The following GDF7 variants were observed in gnomAD, a reference collection of about 807,000 sequenced individuals.
GDF7 encodes growth differentiation factor 7.
GDF7 carries 12 observed loss-of-function variants against 13.4 expected under a neutral mutation model. The ratio of observed to expected loss-of-function variants is 0.90; its 90% CI spans 0.57 to 1.45. The LOEUF is 1.45. GDF7 is among the 40% of genes most tolerant of loss of function. The pLI is 0.00. For synonymous variants in GDF7, 330 were observed against 306.4 expected (o/e 1.08, Z -0.80); for missense variants, 651 against 652.4 (o/e 1.00, Z 0.02).
chr2:20,670,787 G>C lies in GDF7; in HGVS notation c.715G>C (p.Gly239Arg). 1 of 1,484,248 alleles carries C rather than the reference G, an allele frequency of 6.7e-7. No individual in the cohort carries two copies. The highest frequency in any genetic ancestry group is 1.5e-5 in the African/African-American group (1 of 68,860). 91.9% of individuals were successfully genotyped at this position (1,484,248 alleles called of 1,614,324 possible). A position where few individuals can be genotyped will look rare whatever the true frequency, so the allele number is the denominator to read the frequency against. The stretch of plus-strand genomic sequence containing the variant: ...CTGCCTCTTGCTGCGCGCAGTGGCA[G>C]GCCCGGTGCCGAGCCCGTTGGCACT... ...AFCLLLRAVA[G>R]PVPSPLALRR... is the part of the protein sequence containing the mutation. Residue 239 changes from glycine (G) to arginine (R), a missense_variant, in exon 2 of 2, where the codon GGC (glycine) becomes CGC (arginine). Gly to Arg is a moderately radical substitution (Grantham distance 125). This residue lies in a region of GDF7 where 487 missense variants were observed against 445.9 expected (regional missense o/e 1.09). Transcript: ENST00000272224.
At position 20,672,107 on chromosome 2, in the gene GDF7, ACCCCCCC is replaced by A. The variant is rs57730611; in HGVS notation, c.*693_*699del. 3 of 139,028 alleles carry A rather than the reference ACCCCCCC, an allele frequency of 2.2e-5. No individual in the cohort carries two copies. The highest frequency in any genetic ancestry group is 2.8e-5 in the African/African-American group (1 of 35,804). The allele number at this position is 139,028 out of a possible 1,614,324, so 8.6% of individuals were successfully genotyped here. On this transcript the variant is annotated 3_prime_UTR_variant, in exon 2 of 2. Coordinates refer to ENST00000272224, the MANE Select transcript of GDF7 (RefSeq NM_182828.4). Reference sequence around the variant, plus strand: ...GATTTCTGCAAAGGTCGGTACCGCCACCCCCCCCCCCCCCCCCGCCTTTTTTTTTTTT... The same window carrying A: ...GATTTCTGCAAAGGTCGGTACCGCCACCCCCCCCCCGCCTTTTTTTTTTTT...
Position 20,671,473 on chromosome 2 carries a change from G to A in GDF7, c.*48G>A. 6.3e-7 allele frequency: 1 copy of A among 1,576,510 alleles called. No homozygotes were observed. Among genetic ancestry groups the A allele is most frequent in the Non-Finnish European group, 8.6e-7 (1 of 1,160,742 alleles). ...GCCACGCGGCCGAGGATCCCCAGCT[G>A]ATGAGCAGCAGCGGGCCACCCTGTC... On this transcript the variant is annotated 3_prime_UTR_variant, in exon 2 of 2. Transcript: ENST00000272224.
Position 20,675,316 on chromosome 2 carries a change from A to G in GDF7, c.*3891A>G, listed in dbSNP as rs1662198633. Reference sequence around the variant, plus strand: ...GTTTGGGCCTGCGCTTACCCCTCAGAAAGTGTCTGGATTGGGAAGGGAAGA... The same window carrying G: ...GTTTGGGCCTGCGCTTACCCCTCAGGAAGTGTCTGGATTGGGAAGGGAAGA... On this transcript the variant is annotated 3_prime_UTR_variant, in exon 2 of 2. Transcript: ENST00000272224. The G allele has an allele frequency of 6.6e-6, 1 of 152,304 alleles. No homozygotes were observed. Among genetic ancestry groups the G allele is most frequent in the African/African-American group, 2.4e-5 (1 of 41,470 alleles). 9.4% of individuals were successfully genotyped at this position (152,304 alleles called of 1,614,324 possible). A position where few individuals can be genotyped will look rare whatever the true frequency, so the allele number is the denominator to read the frequency against.
rs1259368133 is a variant in GDF7 at position 20,667,550 on chromosome 2, C to T, written c.311C>T (p.Pro104Leu). 9 of 1,473,622 alleles carry T rather than the reference C, an allele frequency of 6.1e-6. No individual in the cohort carries two copies. The highest frequency in any genetic ancestry group is 2.3e-5 in the Admixed American group (1 of 43,414). The allele number at this position is 1,473,622 out of a possible 1,614,324, so 91.3% of individuals were successfully genotyped here. A position where few individuals can be genotyped will look rare whatever the true frequency, so the allele number is the denominator to read the frequency against. The change falls in exon 1 of 2, where the codon CCG (proline) becomes CTG (leucine). Residue 104 changes from proline to leucine, a missense_variant. By Grantham distance (98) the Pro-to-Leu change is moderately conservative. Coordinates refer to ENST00000272224, the MANE Select transcript of GDF7 (RefSeq NM_182828.4). The surrounding 1 kb of genome is among the most constrained non-coding windows in gnomAD (Gnocchi z 6.4). ...TACCGGAGCCTGGCCGGGAGGGCTC[C>T]GGCCGGGGCAGCCGCTGTCTCCGCC... ...SLYRSLAGRA[P>L]AGAAAVSASG...
At chr2:20,669,130 G>A (rs1172430644) in intron 1 of GDF7, among the ~76,000 whole-genome samples, 10 of 152,216 alleles carry the variant, frequency 6.6e-5, no homozygotes, top group Admixed American at 5.9e-4. Context: ...GGGAGAGGCA[G>A]AGGATCTGCA....
intron 1 of GDF7, among the ~76,000 whole-genome samples, chr2:20,668,431 C>T (rs544234141): frequency 6.6e-6 from 1 of 152,216 alleles, no homozygotes; most frequent in Non-Finnish European, 1.5e-5. Flanking sequence ...TGTGGTGTGG[C>T]TGCTGTATGT....
At chr2:20,669,766 C>T (rs1662079822) in intron 1 of GDF7, among the ~76,000 whole-genome samples, 2 of 152,212 alleles carry the variant, frequency 1.3e-5, no homozygotes, top group South Asian at 4.1e-4. Context: ...CGAGCCTGGC[C>T]CCTACCTGGG....
chr2:20,673,716 CCT>C lies in GDF7; in HGVS notation c.*2294_*2295del, dbSNP rs562416180. On this transcript the variant is annotated 3_prime_UTR_variant, in exon 2 of 2. Coordinates refer to ENST00000272224, the MANE Select transcript of GDF7 (RefSeq NM_182828.4). The stretch of plus-strand genomic sequence containing the variant: ...GTAGGGAAAAAAACTGTCAATTTCC[CCT>C]CTTTCCTTCTGATGACCTCCTTCTA... The C allele has an allele frequency of 1.2e-4, 19 of 152,260 alleles. No individual in the cohort carries two copies. Among genetic ancestry groups the C allele is most frequent in the Middle Eastern group, 3.4e-3 (1 of 294 alleles). The allele number at this position is 152,260 out of a possible 1,614,324, so 9.4% of individuals were successfully genotyped here.
chr2:20,675,472 C>T lies in GDF7; in HGVS notation c.*4047C>T, dbSNP rs752577537. ...CTGTGGGCTTCCGAGTGCCCAGAGGCAGCTGCTCCCACAGCACGGACTGCG... is the reference window on the plus strand; with the variant it reads ...CTGTGGGCTTCCGAGTGCCCAGAGGTAGCTGCTCCCACAGCACGGACTGCG... On this transcript the variant is annotated 3_prime_UTR_variant, in exon 2 of 2. Coordinates refer to ENST00000272224, the MANE Select transcript of GDF7 (RefSeq NM_182828.4). 6.6e-6 allele frequency: 1 copy of T among 152,260 alleles called. No homozygotes were observed. The highest frequency in any genetic ancestry group is 1.5e-5 in the Non-Finnish European group (1 of 68,070). 9.4% of individuals were successfully genotyped at this position (152,260 alleles called of 1,614,324 possible). A position where few individuals can be genotyped will look rare whatever the true frequency, so the allele number is the denominator to read the frequency against.
rs1020681232 is a variant in GDF7, at chr2:20,674,603, T to G, written c.*3178T>G. On this transcript the variant is annotated 3_prime_UTR_variant, in exon 2 of 2. Coordinates refer to ENST00000272224, the MANE Select transcript of GDF7 (RefSeq NM_182828.4). ...TGATTCCCAAACACACTTGCCTTGT[T>G]GAATTCTGACTTTCCAAACAGCCGC... 1 of 152,304 alleles carries G rather than the reference T, an allele frequency of 6.6e-6. No individual in the cohort carries two copies. The highest frequency in any genetic ancestry group is 2.1e-4 in the South Asian group (1 of 4,834). The allele number at this position is 152,304 out of a possible 1,614,324, so 9.4% of individuals were successfully genotyped here. A position where few individuals can be genotyped will look rare whatever the true frequency, so the allele number is the denominator to read the frequency against.
chr2:20,669,487 C>A (rs1386794277), intron 1 of GDF7, among the ~76,000 whole-genome samples: 5 of 152,140 alleles, frequency 3.3e-5, no homozygotes, highest in Admixed American at 6.5e-5. Flanking sequence ...GAAATAAAAC[C>A]CCTAAGCCCG....
rs1662105510 is a variant in GDF7, at chr2:20,670,786, A to G, written c.714A>G (p.Ala238=). The G allele has an allele frequency of 3.4e-6, 5 of 1,484,476 alleles. No individual in the cohort carries two copies. In the Admixed American group the frequency reaches 6.5e-5, roughly 19 times the overall value. The allele number at this position is 1,484,476 out of a possible 1,614,324, so 92.0% of individuals were successfully genotyped here. A position where few individuals can be genotyped will look rare whatever the true frequency, so the allele number is the denominator to read the frequency against. Reference sequence around the variant, plus strand: ...TCTGCCTCTTGCTGCGCGCAGTGGCAGGCCCGGTGCCGAGCCCGTTGGCAC... The same window carrying G: ...TCTGCCTCTTGCTGCGCGCAGTGGCGGGCCCGGTGCCGAGCCCGTTGGCAC... The part of the protein sequence containing the change: ...RAFCLLLRAV[A]GPVPSPLALR... The change falls in exon 2 of 2, where the codon GCA becomes GCG. Residue 238 remains alanine, a synonymous_variant. Coordinates refer to ENST00000272224, the MANE Select transcript of GDF7 (RefSeq NM_182828.4).
At position 20,667,894 on chromosome 2, in the gene GDF7, G is replaced by T. The variant is rs913758056; in HGVS notation, c.391+264G>T. Among the ~76,000 whole-genome samples, 1 of 152,208 alleles carries T rather than the reference G, an allele frequency of 6.6e-6. No homozygotes were observed. The highest frequency in any genetic ancestry group is 1.5e-5 in the Non-Finnish European group (1 of 68,036). On this transcript the variant is annotated intron_variant, in intron 1 of 1. Transcript: ENST00000272224. This position sits in a 1 kb window ranked among gnomAD's most constrained non-coding sequence, Gnocchi z 6.4. ...TCTCCCTGGCCTTGCAGGCCGGCTG[G>T]TCCCCTCGAGGAGGCAGGCGGAGGC...
rs1198450728 is a variant in GDF7 at position 20,670,779 on chromosome 2, C to G, written c.707C>G (p.Ala236Gly). The G allele has an allele frequency of 6.7e-7, 1 of 1,489,548 alleles. No homozygotes were observed. Among genetic ancestry groups the G allele is most frequent in the East Asian group, 2.7e-5 (1 of 37,556 alleles). 92.3% of individuals were successfully genotyped at this position (1,489,548 alleles called of 1,614,324 possible). Residue 236 changes from alanine (A) to glycine (G), a missense_variant, in exon 2 of 2, where the codon GCA (alanine) becomes GGA (glycine). Transcript: ENST00000272224. Reference sequence around the variant, plus strand: ...CGCGCGTTCTGCCTCTTGCTGCGCGCAGTGGCAGGCCCGGTGCCGAGCCCG... The same window carrying G: ...CGCGCGTTCTGCCTCTTGCTGCGCGGAGTGGCAGGCCCGGTGCCGAGCCCG... ...PPRAFCLLLR[A>G]VAGPVPSPLA...
At position 20,678,970 on chromosome 2, in the gene GDF7, T is replaced by C. The variant is rs1008265038; in HGVS notation, c.*7545T>C. On this transcript the variant is annotated 3_prime_UTR_variant, in exon 2 of 2. Transcript: ENST00000272224. ...CCTTGCTGCCTGGCTTGGGTGTTTATTTGGGCAATGCAAGCTGACATTGTG... is the reference window on the plus strand; with the variant it reads ...CCTTGCTGCCTGGCTTGGGTGTTTACTTGGGCAATGCAAGCTGACATTGTG... The C allele has an allele frequency of 1.3e-5, 2 of 152,186 alleles. No homozygotes were observed. The highest frequency in any genetic ancestry group is 4.8e-5 in the African/African-American group (2 of 41,436). 9.4% of individuals were successfully genotyped at this position (152,186 alleles called of 1,614,324 possible).
chr2:20,668,007 C>T (rs1695999515), intron 1 of GDF7, among the ~76,000 whole-genome samples: 1 of 152,248 alleles, frequency 6.6e-6, no homozygotes. Flanking sequence ...CCGGGAGTCA[C>T]GGCGAGAGGG....
Position 20,667,193 on chromosome 2 carries a change from C to G in GDF7, c.-47C>G. The G allele has an allele frequency of 8.9e-7, 1 of 1,123,956 alleles. No homozygotes were observed. Among genetic ancestry groups the G allele is most frequent in the Non-Finnish European group, 1.1e-6 (1 of 919,410 alleles). The allele number at this position is 1,123,956 out of a possible 1,614,324, so 69.6% of individuals were successfully genotyped here. A position where few individuals can be genotyped will look rare whatever the true frequency, so the allele number is the denominator to read the frequency against. ...GTTCAAAAGGCGCCGGGGGACTTCC[C>G]GGAGCCACGGAGCCCGCGCCGCCCG... is the stretch of plus-strand genomic sequence containing the variant. On this transcript the variant is annotated 5_prime_UTR_variant, in exon 1 of 2. Transcript: ENST00000272224. This position sits in a 1 kb window ranked among gnomAD's most constrained non-coding sequence, Gnocchi z 6.4.
At chr2:20,668,850 C>G (rs1056771190) in intron 1 of GDF7, among the ~76,000 whole-genome samples, 2 of 152,194 alleles carry the variant, frequency 1.3e-5, no homozygotes, top group African/African-American at 4.8e-5. Context: ...TGACATGGCC[C>G]CTGGGCTGGA....
Position 20,671,430 on chromosome 2 carries a change from A to T in GDF7, c.*5A>T, listed in dbSNP as rs4666457. On this transcript the variant is annotated 3_prime_UTR_variant, in exon 2 of 2. Transcript: ENST00000272224. ...GAGGCCTGCGGCTGCAGGTAGCGCG[A>T]GGGCCGGGGAGGGGGCAGCCACGCG... is the stretch of plus-strand genomic sequence containing the variant. 8 of 1,608,482 alleles carry T rather than the reference A, an allele frequency of 5.0e-6. No homozygotes were observed. The highest frequency in any genetic ancestry group is 6.8e-6 in the Non-Finnish European group (8 of 1,177,714).
Sources: allele counts gnomAD v4.1 joint callset (sites outside exome capture counted in the v4.1 genomes callset), GRCh38; gene constraint gnomAD v4.1.1; regional missense constraint gnomAD v4.1.1; non-coding constraint Gnocchi (gnomAD v3.1); transcripts MANE v1.5; gene names NCBI Gene and HGNC (gene_info 2026-07-23, HGNC 2026-07-21).